BANK1: variants seen among roughly 807,000 people sequenced by gnomAD.
The protein encoded by BANK1 is B-cell scaffold protein with ankyrin repeats.
BANK1 carries 95 observed loss-of-function variants against 94.5 expected under a neutral mutation model. The observed-to-expected ratio is 1.00, with a 90% confidence interval of 0.85 to 1.19. The LOEUF (loss-of-function observed/expected upper bound fraction) is 1.19. Among genes scored for constraint, BANK1 ranks in the 50% most tolerant of loss-of-function variants. The probability of loss-of-function intolerance (pLI) is 0.00; values close to 1 mark genes in which losing one functional copy is unlikely to be tolerated. For synonymous variants in BANK1, 334 were observed against 308.4 expected, an observed-to-expected ratio of 1.08 and a Z score of -0.87; for missense variants, 987 against 932.2, an observed-to-expected ratio of 1.06 and a Z score of -0.77.
At chr4:101,914,663 A>G (rs529095918) in intron 6 of BANK1, among the ~76,000 whole-genome samples, 37 of 152,236 alleles carry the variant, frequency 2.4e-4, no homozygotes, top group South Asian at 4.1e-4. Flanking sequence ...ACCTTGCTTT[A>G]TGTGTGTTTC....
At chr4:101,836,113 T>C (rs1462058845) in intron 2 of BANK1, among the ~76,000 whole-genome samples, 1 of 152,200 alleles carries the variant, frequency 6.6e-6, no homozygotes, top group Non-Finnish European at 1.5e-5. Context: ...CGTTACATTC[T>C]ATATTCTCCG....
chr4:101,792,982 C>G (rs978842441), intron 1 of BANK1, among the ~76,000 whole-genome samples: 1 of 152,126 alleles, frequency 6.6e-6, no homozygotes, highest in Non-Finnish European at 1.5e-5. Context: ...TATTCCAAAA[C>G]TAATGATTTT....
intron 7 of BANK1, among the ~76,000 whole-genome samples, chr4:102,013,639 C>T (rs527750155): frequency 4.0e-4 from 60 of 151,806 alleles, no homozygotes; most frequent in African/African-American, 1.4e-3. Flanking sequence ...TGTGATTTCT[C>T]GCACCTGAAA....
At chr4:101,861,229 C>T (rs973830845) in intron 3 of BANK1, among the ~76,000 whole-genome samples, 12 of 152,062 alleles carry the variant, frequency 7.9e-5, no homozygotes, top group Non-Finnish European at 1.8e-4. Context: ...GTGGAAAATG[C>T]CTGAAGTAGA....
chr4:101,803,109 G>A (rs1477208843), intron 1 of BANK1, among the ~76,000 whole-genome samples: 1 of 144,182 alleles, frequency 6.9e-6, no homozygotes, highest in Admixed American at 6.7e-5. Context: ...GGGATGCATT[G>A]TTGTCTCAAC....
intron 5 of BANK1, among the ~76,000 whole-genome samples, chr4:101,892,580 A>C (rs954201083): frequency 2.0e-5 from 3 of 151,774 alleles, no homozygotes; most frequent in African/African-American, 7.2e-5. Context: ...TTCAATAACA[A>C]AATAATAACA....
At chr4:102,022,203 G>A (rs191715069) in intron 8 of BANK1, among the ~76,000 whole-genome samples, 2 of 152,126 alleles carry the variant, frequency 1.3e-5, no homozygotes, top group South Asian at 2.1e-4. Context: ...AGCATGTTTG[G>A]TAGGAATCTC....
At chr4:102,070,087 G>A (rs1295485151) in intron 13 of BANK1, among the ~76,000 whole-genome samples, 2 of 152,136 alleles carry the variant, frequency 1.3e-5, no homozygotes. Flanking sequence ...AGGGGCATAA[G>A]GCAGCAAAAG....
chr4:102,057,268 C>T (rs1728259378), intron 11 of BANK1, among the ~76,000 whole-genome samples: 1 of 151,796 alleles, frequency 6.6e-6, no homozygotes, highest in African/African-American at 2.4e-5. Context: ...CTTTCTCTCT[C>T]TCTCTCCTGC....
intron 5 of BANK1, among the ~76,000 whole-genome samples, chr4:101,884,355 T>A (rs1728774837): frequency 6.6e-6 from 1 of 151,540 alleles, no homozygotes; most frequent in East Asian, 1.9e-4. Flanking sequence ...CCTGATTCAA[T>A]TTTTTTTTGT....
intron 6 of BANK1, among the ~76,000 whole-genome samples, chr4:101,905,705 G>T (rs539264655): frequency 6.6e-6 from 1 of 152,016 alleles, no homozygotes; most frequent in Non-Finnish European, 1.5e-5. Flanking sequence ...AATTGCCTCC[G>T]ATACCATCAC....
intron 6 of BANK1, among the ~76,000 whole-genome samples, chr4:101,896,368 G>A (rs1331633514): frequency 6.6e-6 from 1 of 151,914 alleles, no homozygotes; most frequent in Non-Finnish European, 1.5e-5. Context: ...TTTATTTTCT[G>A]TAGGGTTTCT....
intron 13 of BANK1, among the ~76,000 whole-genome samples, chr4:102,069,917 T>C (rs1728705772): frequency 6.6e-6 from 1 of 152,164 alleles, no homozygotes; most frequent in African/African-American, 2.4e-5. Flanking sequence ...CTACATGCTG[T>C]AGTATTCCAT....
intron 7 of BANK1, among the ~76,000 whole-genome samples, chr4:101,918,942 G>A (rs28445603): frequency 0.081 from 12,294 of 151,832 alleles, 919 homozygotes; most frequent in African/African-American, 0.2. Flanking sequence ...GAAGTATTAT[G>A]ATAAAATTAA....
chr4:101,937,202 G>C (rs1165586994), intron 7 of BANK1, among the ~76,000 whole-genome samples: 1 of 151,618 alleles, frequency 6.6e-6, no homozygotes, highest in East Asian at 1.9e-4. Context: ...ACCAGGCATT[G>C]AAAAACAAAC....
intron 5 of BANK1, among the ~76,000 whole-genome samples, chr4:101,886,664 A>C (rs1293824002): frequency 6.6e-6 from 1 of 151,756 alleles, no homozygotes; most frequent in Admixed American, 6.6e-5. Context: ...TGTCTCTTAC[A>C]TTATGAATGT....
chr4:101,998,559 G>A (rs1024353871), intron 7 of BANK1, among the ~76,000 whole-genome samples: 16 of 152,238 alleles, frequency 1.1e-4, no homozygotes, highest in South Asian at 2.1e-4. Context: ...AAGTGTCTTT[G>A]TAGGTTTCTA....
At chr4:102,055,417 T>C (rs984448061) in intron 11 of BANK1, among the ~76,000 whole-genome samples, 2 of 151,998 alleles carry the variant, frequency 1.3e-5, no homozygotes, top group African/African-American at 4.8e-5. Flanking sequence ...GAGGTATTCG[T>C]GTTAGGGATA....
intron 7 of BANK1, among the ~76,000 whole-genome samples, chr4:101,943,966 G>A (rs1723838356): frequency 6.6e-6 from 1 of 151,538 alleles, no homozygotes; most frequent in African/African-American, 2.4e-5. Flanking sequence ...AGTATATGCA[G>A]TTTGCTTTAA....
Sources: allele counts gnomAD v4.1 joint callset (sites outside exome capture counted in the v4.1 genomes callset), GRCh38; gene constraint gnomAD v4.1.1; transcripts MANE v1.5; gene names NCBI Gene and HGNC (gene_info 2026-07-23, HGNC 2026-07-21).